Variants in SAMD4B observed in about 807,000 individuals in gnomAD.
SAMD4B encodes sterile alpha motif domain containing 4B.
Under a neutral mutation model 74.5 loss-of-function variants are expected in SAMD4B, and 5 were observed. The observed-to-expected ratio is 0.07, with a 90% CI of 0.04 to 0.14. SAMD4B has a LOEUF of 0.14. SAMD4B is among the 10% of genes least tolerant of loss of function. The probability of loss-of-function intolerance (pLI) is 1.00; values close to 1 mark genes in which losing one functional copy is unlikely to be tolerated. For missense variants in SAMD4B, 608 were observed against 921.8 expected (o/e 0.66, Z 4.41); for synonymous variants, 373 against 374.9 (o/e 1.00, Z 0.06).
chr19:39,383,322 C>T lies in SAMD4B; in HGVS notation c.2056+31C>T. ...CATTTCCTCTTTCCCTGACCCAGCT[C>T]CCACCTACCCAGCGTCTCTGCCTCT... On this transcript the variant is annotated intron_variant, in intron 13 of 13. Coordinates refer to ENST00000610417, the MANE Select transcript of SAMD4B (RefSeq NM_001384574.2). This position sits in a 1 kb window ranked among gnomAD's most constrained non-coding sequence, Gnocchi z 4.1. 1 of 1,608,110 alleles carries T rather than the reference C, an allele frequency of 6.2e-7. No homozygotes were observed. The highest frequency in any genetic ancestry group is 8.5e-7 in the Non-Finnish European group (1 of 1,174,488).
rs767947616 is a variant in SAMD4B, at chr19:39,356,860, G to A, written c.-34G>A. 33 of 1,570,936 alleles carry A rather than the reference G, an allele frequency of 2.1e-5. No individual in the cohort carries two copies. The highest frequency in any genetic ancestry group is 4.6e-5 in the East Asian group (2 of 43,868). On this transcript the variant is annotated 5_prime_UTR_variant, in exon 3 of 14. Transcript: ENST00000610417. ...TGTGACGGCGCTGGCCCTCGCCACC[G>A]CCGTCCCCCGACCCTGGCCCCAGGC...
At chr19:39,346,917 A>G (rs1002056168) in intron 1 of SAMD4B, among the ~76,000 whole-genome samples, 1 of 152,210 alleles carries the variant, frequency 6.6e-6, no homozygotes, top group Non-Finnish European at 1.5e-5. Context: ...AGGATTAAAT[A>G]AGTTAATACA....
At chr19:39,366,232 C>T (rs1428413852) in intron 3 of SAMD4B, among the ~76,000 whole-genome samples, 4 of 152,262 alleles carry the variant, frequency 2.6e-5, no homozygotes, top group Non-Finnish European at 4.4e-5. Context: ...AGGAGAATCG[C>T]TTGAACCCCA....
intron 5 of SAMD4B, 135 bp from the exon 6 acceptor site, chr19:39,376,302 C>A (rs1430523806): frequency 8.9e-6 from 6 of 671,052 alleles, no homozygotes; most frequent in South Asian, 1.8e-5. Flanking sequence ...GCTGATGGAA[C>A]CTTAGCTCCC....
intron 4 of SAMD4B, among the ~76,000 whole-genome samples, chr19:39,374,907 G>A (rs537516161): frequency 1.3e-5 from 2 of 152,282 alleles, no homozygotes; most frequent in South Asian, 4.1e-4. Context: ...GATGGGTGCT[G>A]TAAGAAAGAC....
At chr19:39,376,104 G>A (rs540533787) in intron 5 of SAMD4B, among the ~76,000 whole-genome samples, 1 of 152,138 alleles carries the variant, frequency 6.6e-6, no homozygotes, top group African/African-American at 2.4e-5. Context: ...GGAGCCCCCT[G>A]TCTTCACACA....
At position 39,383,552 on chromosome 19, in the gene SAMD4B, A is replaced by G. The variant is rs767425225; in HGVS notation, c.*25A>G. ...ACGGGACCCACAGCCCAGCGCACCC[A>G]TAGGCTCCCTGGGCGGCGGGCGGGG... On this transcript the variant is annotated 3_prime_UTR_variant, in exon 14 of 14. Coordinates refer to ENST00000610417, the MANE Select transcript of SAMD4B (RefSeq NM_001384574.2). The surrounding 1 kb of genome is among the most constrained non-coding windows in gnomAD (Gnocchi z 4.1). The G allele has an allele frequency of 4.3e-5, 70 of 1,614,060 alleles. No homozygotes were observed. Among genetic ancestry groups the G allele is most frequent in the Non-Finnish European group, 5.7e-5 (67 of 1,180,040 alleles).
At chr19:39,381,175 C>A in intron 12 of SAMD4B, 62 bp downstream of exon 12, 1 of 1,520,604 alleles carries the variant, frequency 6.6e-7, no homozygotes, top group Non-Finnish European at 8.8e-7. Context: ...TTTCTTTTTT[C>A]TCCTGGGTCT....
chr19:39,390,204 C>T (rs2078346021), downstream of SAMD4B: 9 of 1,612,684 alleles, frequency 5.6e-6, no homozygotes, highest in South Asian at 7.7e-5. Flanking sequence ...CGCTGCCCCA[C>T]CTCTGCTCCC....
chr19:39,345,324 T>C (rs1271761548), intron 1 of SAMD4B, among the ~76,000 whole-genome samples: 2 of 152,216 alleles, frequency 1.3e-5, no homozygotes, highest in Non-Finnish European at 2.9e-5. Context: ...GGATCTTGGC[T>C]TCTCCACAAG....
downstream of SAMD4B, among the ~76,000 whole-genome samples, chr19:39,388,163 GCTC>G (rs2078294374): frequency 6.6e-6 from 1 of 152,048 alleles, no homozygotes; most frequent in African/African-American, 2.4e-5. Flanking sequence ...TTTTTTTCTG[GCTC>G]CTCCTGTTAG....
chr19:39,383,642 T>C lies in SAMD4B; in HGVS notation c.*115T>C. On this transcript the variant is annotated 3_prime_UTR_variant, in exon 14 of 14. Transcript: ENST00000610417. This position sits in a 1 kb window ranked among gnomAD's most constrained non-coding sequence, Gnocchi z 4.1. ...GGGCTGGCTCAGCTATATATTCTAA[T>C]ATTTTTCTACTCTCTTACCCTCTTA... The C allele has an allele frequency of 6.2e-7, 1 of 1,605,932 alleles. No homozygotes were observed. Among genetic ancestry groups the C allele is most frequent in the Non-Finnish European group, 8.5e-7 (1 of 1,177,088 alleles).
chr19:39,348,601 G>A (rs1247509184), intron 1 of SAMD4B, among the ~76,000 whole-genome samples: 1 of 152,212 alleles, frequency 6.6e-6, no homozygotes, highest in Non-Finnish European at 1.5e-5. Flanking sequence ...GCCACAGTAA[G>A]GAGTTTCTAT....
At chr19:39,353,647 G>C (rs1194264489) in intron 1 of SAMD4B, among the ~76,000 whole-genome samples, 1 of 152,032 alleles carries the variant, frequency 6.6e-6, no homozygotes, top group African/African-American at 2.4e-5. Flanking sequence ...TGTCACCCAG[G>C]CTGGAGTGCA....
At chr19:39,361,740 G>A (rs1362562181) in intron 3 of SAMD4B, among the ~76,000 whole-genome samples, 5 of 151,752 alleles carry the variant, frequency 3.3e-5, no homozygotes, top group East Asian at 1.9e-4. Context: ...TGGCTAACAC[G>A]GTGAAACCCC....
chr19:39,383,829 CA>C lies in SAMD4B; in HGVS notation c.*303del. ...TCCTCATCCCCACCTGGTCCCATCC[CA>C]CCCCTGCCTCCTCCAGACCGCTGAC... is the stretch of plus-strand genomic sequence containing the variant. On this transcript the variant is annotated 3_prime_UTR_variant, in exon 14 of 14. Transcript: ENST00000610417. This position sits in a 1 kb window ranked among gnomAD's most constrained non-coding sequence, Gnocchi z 4.1. 1 of 1,016,156 alleles carries C rather than the reference CA, an allele frequency of 9.8e-7. No homozygotes were observed. The allele number at this position is 1,016,156 out of a possible 1,614,324, so 62.9% of individuals were successfully genotyped here.
chr19:39,382,651 G>A (rs1343028457), intron 12 of SAMD4B, among the ~76,000 whole-genome samples: 3 of 152,092 alleles, frequency 2.0e-5, no homozygotes, highest in Non-Finnish European at 4.4e-5. Context: ...GGAGGTGGGT[G>A]GTTTCCCAGA....
chr19:39,383,772 A>G lies in SAMD4B; in HGVS notation c.*245A>G. 2 of 1,437,052 alleles carry G rather than the reference A, an allele frequency of 1.4e-6. No homozygotes were observed. Among genetic ancestry groups the G allele is most frequent in the Non-Finnish European group, 1.9e-6 (2 of 1,061,588 alleles). 89.0% of individuals were successfully genotyped at this position (1,437,052 alleles called of 1,614,324 possible). A position where few individuals can be genotyped will look rare whatever the true frequency, so the allele number is the denominator to read the frequency against. ...GGCAGCCAGGATAAAGGGGGCAGGG[A>G]CTGGCCAGACTGCCTGCCTCTCTCC... On this transcript the variant is annotated 3_prime_UTR_variant, in exon 14 of 14. Transcript: ENST00000610417. This position sits in a 1 kb window ranked among gnomAD's most constrained non-coding sequence, Gnocchi z 4.1.
At chr19:39,381,477 T>TA (rs1244211362) in intron 12 of SAMD4B, among the ~76,000 whole-genome samples, 1 of 152,172 alleles carries the variant, frequency 6.6e-6, no homozygotes, top group East Asian at 1.9e-4. Context: ...ATGGGACAGT[T>TA]AAAGTGTGAG....
Sources: allele counts gnomAD v4.1 joint callset (sites outside exome capture counted in the v4.1 genomes callset), GRCh38; gene constraint gnomAD v4.1.1; non-coding constraint Gnocchi (gnomAD v3.1); transcripts MANE v1.5; gene names NCBI Gene and HGNC (gene_info 2026-07-23, HGNC 2026-07-21).